Variants in OSBPL10 observed in about 807,000 individuals in gnomAD.
OSBPL10 encodes the protein oxysterol-binding protein-related protein 10.
In OSBPL10, 49 loss-of-function variants were observed where a neutral mutation model predicts 81.7. The observed-to-expected ratio is 0.60, with a 90% confidence interval of 0.48 to 0.76. OSBPL10 has a LOEUF of 0.76. Among genes scored for constraint, OSBPL10 ranks in the 30% least tolerant of loss-of-function variants. OSBPL10 has a pLI of 0.00. For missense variants in OSBPL10, 923 were observed against 987.8 expected (o/e 0.93, Z 0.88); for synonymous variants, 419 against 383.6 (o/e 1.09, Z -1.08).
intron 7 of OSBPL10, among the ~76,000 whole-genome samples, chr3:31,688,281 T>TCACA (rs1380099717): frequency 0.13 from 14,630 of 113,276 alleles, 997 homozygotes; most frequent in Middle Eastern, 0.17. Context: ...TCTCTCTCTC[T>TCACA]CTCACACACA....
chr3:31,883,411 T>G lies in OSBPL10; in HGVS notation c.282-3581A>C, dbSNP rs192388202. Among the ~76,000 whole-genome samples the G allele has an allele frequency of 1.4e-3, 216 of 152,146 alleles. 1 individual carries two copies. Among genetic ancestry groups the G allele is most frequent in the African/African-American group, 4.4e-3 (182 of 41,488 alleles). On this transcript the variant is annotated intron_variant, in intron 1 of 11. Coordinates refer to ENST00000396556, the MANE Select transcript of OSBPL10 (RefSeq NM_017784.5). ...ACCACCACGCCCAGCTAATTTTTTT[T>G]GTATTTTTAGTAGAGATGGGGTTTC...
intron 2 of OSBPL10, among the ~76,000 whole-genome samples, chr3:32,011,137 T>G (rs1478308025): frequency 1.3e-5 from 2 of 152,344 alleles, no homozygotes; most frequent in Middle Eastern, 6.8e-3. Flanking sequence ...ACAGGCAGAC[T>G]GCCTCCTCAA....
At chr3:31,889,684 A>G (rs1695838839) in intron 1 of OSBPL10, among the ~76,000 whole-genome samples, 1 of 152,122 alleles carries the variant, frequency 6.6e-6, no homozygotes, top group Non-Finnish European at 1.5e-5. Context: ...GGATAGAAGG[A>G]GATTTGTTAA....
upstream of OSBPL10, among the ~76,000 whole-genome samples, chr3:31,982,529 C>T (rs62244398): frequency 0.083 from 12,688 of 152,174 alleles, 1,048 homozygotes; most frequent in East Asian, 0.47. Context: ...TCTAGCTTCA[C>T]ATCCTTCCAG....
chr3:31,879,855 C>T lies in OSBPL10; in HGVS notation c.282-25G>A, dbSNP rs769197867. On this transcript the variant is annotated intron_variant, in intron 1 of 11. Coordinates refer to ENST00000396556, the MANE Select transcript of OSBPL10 (RefSeq NM_017784.5). ...CCTGCACAGAGAAACCACAGTACAT[C>T]ATTTTTCTCTCCTACCCTATTCTGC... The T allele has an allele frequency of 1.6e-5, 25 of 1,605,456 alleles. No individual in the cohort carries two copies. The African/African-American group carries it at 3.2e-4, about 21-fold the overall frequency.
chr3:32,067,582 T>C lies in OSBPL10; in HGVS notation n.185+9814A>G, dbSNP rs373301340. 2.6e-4 allele frequency among the ~76,000 whole-genome samples: 40 copies of C among 152,328 alleles called. No individual in the cohort carries two copies. The South Asian group carries it at 8.1e-3, about 31-fold the overall frequency. On this transcript the variant is annotated intron_variant and non_coding_transcript_variant, in intron 1 of 3. Coordinates refer to the OSBPL10 transcript ENST00000479173. ...AAAGAAGTAAAAATAGCCTTACTGATGACATTCCACCATTGTGATTTGTTT... is the reference window on the plus strand; with the variant it reads ...AAAGAAGTAAAAATAGCCTTACTGACGACATTCCACCATTGTGATTTGTTT...
chr3:31,974,659 C>T (rs1195859118), intron 1 of OSBPL10, among the ~76,000 whole-genome samples: 1 of 152,082 alleles, frequency 6.6e-6, no homozygotes. Flanking sequence ...TTACACAATA[C>T]ACAGTTCAAA....
At chr3:31,842,864 A>C (rs1700533488) in intron 3 of OSBPL10, among the ~76,000 whole-genome samples, 1 of 152,212 alleles carries the variant, frequency 6.6e-6, no homozygotes, top group Non-Finnish European at 1.5e-5. Flanking sequence ...CAAAAACATG[A>C]CCTTCACCCA....
chr3:31,849,831 A>C (rs1700717491), intron 3 of OSBPL10, among the ~76,000 whole-genome samples: 1 of 152,184 alleles, frequency 6.6e-6, no homozygotes, highest in Non-Finnish European at 1.5e-5. Context: ...TGAAGCCAGG[A>C]GTTCGAGACC....
At chr3:31,915,540 A>G (rs1325523708) in intron 1 of OSBPL10, among the ~76,000 whole-genome samples, 2 of 152,216 alleles carry the variant, frequency 1.3e-5, no homozygotes, top group African/African-American at 2.4e-5. Context: ...TCTCACTTAT[A>G]TGTGTAAGCT....
chr3:32,017,345 CTAGG>C (rs762163158), intron 2 of OSBPL10, among the ~76,000 whole-genome samples: 2 of 152,192 alleles, frequency 1.3e-5, no homozygotes, highest in Non-Finnish European at 2.9e-5. Context: ...GTCTCAGAAT[CTAGG>C]TACCTTTTAT....
intron 6 of OSBPL10, among the ~76,000 whole-genome samples, chr3:31,723,256 TGA>T (rs952426230): frequency 2.6e-5 from 4 of 152,128 alleles, no homozygotes; most frequent in Admixed American, 1.3e-4. Context: ...CACTGTTATC[TGA>T]GAGAGAGAAA....
chr3:31,941,549 C>A (rs768184266), intron 1 of OSBPL10, among the ~76,000 whole-genome samples: 5 of 152,194 alleles, frequency 3.3e-5, no homozygotes, highest in Non-Finnish European at 5.9e-5. Flanking sequence ...AGTCTAGACA[C>A]CTCAAACTCC....
At chr3:31,670,639 T>C (rs933827083) in intron 9 of OSBPL10, among the ~76,000 whole-genome samples, 158 bp downstream of exon 9, 1 of 152,178 alleles carries the variant, frequency 6.6e-6, no homozygotes, top group African/African-American at 2.4e-5. Flanking sequence ...AAAACTGCCA[T>C]GTAAGGTAGG....
intron 1 of OSBPL10, among the ~76,000 whole-genome samples, chr3:31,881,346 G>T (rs1473839017): frequency 6.6e-6 from 1 of 152,154 alleles, no homozygotes; most frequent in African/African-American, 2.4e-5. Flanking sequence ...CAAAGCACCC[G>T]GGTCATACAG....
At chr3:31,927,006 G>A (rs1314476503) in intron 1 of OSBPL10, among the ~76,000 whole-genome samples, 1 of 152,148 alleles carries the variant, frequency 6.6e-6, no homozygotes, top group Non-Finnish European at 1.5e-5. Flanking sequence ...AGCTACTCGG[G>A]AGACTGAGGC....
intron 6 of OSBPL10, chr3:31,708,655 G>T (rs1696150805): frequency 1.1e-6 from 1 of 893,220 alleles, no homozygotes; most frequent in Non-Finnish European, 1.3e-6. Flanking sequence ...CTCCCCTGAG[G>T]ACACAGAGAT....
At chr3:31,944,163 A>G (rs1176350341) in intron 1 of OSBPL10, among the ~76,000 whole-genome samples, 2 of 152,032 alleles carry the variant, frequency 1.3e-5, no homozygotes, top group Non-Finnish European at 2.9e-5. Flanking sequence ...TTTGATTACT[A>G]TTTTAGCATA....
intron 2 of OSBPL10, among the ~76,000 whole-genome samples, chr3:32,032,929 C>T (rs951451410): frequency 2.0e-5 from 3 of 152,208 alleles, no homozygotes; most frequent in Non-Finnish European, 2.9e-5. Context: ...AGAAAATTCA[C>T]ATCTTTACTC....
Sources: gnomAD v4.1 joint callset for allele counts (sites outside exome capture counted in the v4.1 genomes callset) on GRCh38, gnomAD v4.1.1 for gene constraint, MANE v1.5 for transcripts, NCBI Gene and HGNC (gene_info 2026-07-23, HGNC 2026-07-21) for gene names.